The following NCALD variants were observed in gnomAD, a reference collection of about 807,000 sequenced individuals.
The protein encoded by NCALD is neurocalcin delta.
Under a neutral mutation model 18.6 loss-of-function variants are expected in NCALD, and 10 were observed. The ratio of observed to expected loss-of-function variants is 0.54; its 90% CI spans 0.33 to 0.91. The LOEUF (loss-of-function observed/expected upper bound fraction) is 0.91. NCALD is among the 40% of genes least tolerant of loss of function. NCALD has a pLI of 0.03. For missense variants in NCALD, 184 were observed against 247.6 expected, an observed-to-expected ratio of 0.74 and a Z score of 1.72; for synonymous variants, 88 against 87.4, an observed-to-expected ratio of 1.01 and a Z score of -0.04.
At chr8:102,060,717 T>C (rs1823819357) in intron 1 of NCALD, among the ~76,000 whole-genome samples, 1 of 151,994 alleles carries the variant, frequency 6.6e-6, no homozygotes, top group South Asian at 2.1e-4. Flanking sequence ...TCTGACAAGA[T>C]CGCATTACAA....
At chr8:102,007,871 T>C (rs1201699418) in intron 2 of NCALD, among the ~76,000 whole-genome samples, 1 of 152,146 alleles carries the variant, frequency 6.6e-6, no homozygotes, top group South Asian at 2.1e-4. Flanking sequence ...TCATGGTGGG[T>C]GTTCTGTTTC....
chr8:101,773,501 G>A (rs993609436), intron 1 of NCALD, among the ~76,000 whole-genome samples: 4 of 152,190 alleles, frequency 2.6e-5, no homozygotes, highest in Non-Finnish European at 5.9e-5. Context: ...GACCATGGGT[G>A]AAACTGTGGG....
At chr8:101,822,536 C>T (rs201485686) in intron 4 of NCALD, among the ~76,000 whole-genome samples, 16 of 152,220 alleles carry the variant, frequency 1.1e-4, no homozygotes, top group East Asian at 7.7e-4. Context: ...ATGGAAAGGG[C>T]GAAGAGGGAG....
At chr8:101,887,031 A>G (rs1447552822) in intron 4 of NCALD, 2 of 152,228 alleles carry the variant, frequency 1.3e-5, no homozygotes, top group Non-Finnish European at 2.9e-5. Context: ...TTTTCTACTT[A>G]GCAAATACAA....
intron 1 of NCALD, among the ~76,000 whole-genome samples, chr8:102,102,793 A>T (rs545347856): frequency 2.6e-5 from 4 of 151,858 alleles, no homozygotes; most frequent in Non-Finnish European, 5.9e-5. Flanking sequence ...AAGGGAGAGG[A>T]GAGAGAGAGG....
intron 1 of NCALD, chr8:101,785,955 C>G (rs1298668443): frequency 6.6e-6 from 1 of 152,210 alleles, no homozygotes; most frequent in Non-Finnish European, 1.5e-5. Context: ...TGGTGTAAAA[C>G]CTAATGGTTC....
intron 1 of NCALD, among the ~76,000 whole-genome samples, chr8:102,085,084 G>A (rs1257592754): frequency 2.0e-5 from 3 of 152,076 alleles, no homozygotes; most frequent in East Asian, 1.9e-4. Flanking sequence ...ACATGCACAC[G>A]CCTGGTTGGA....
chr8:101,923,807 T>A (rs528380182), intron 2 of NCALD, among the ~76,000 whole-genome samples: 9 of 152,386 alleles, frequency 5.9e-5, no homozygotes, highest in Non-Finnish European at 1.2e-4. Flanking sequence ...CATCCCATTT[T>A]TTCCTTTGTT....
intron 2 of NCALD, among the ~76,000 whole-genome samples, chr8:101,943,412 G>A (rs561395434): frequency 2.6e-5 from 4 of 152,216 alleles, no homozygotes; most frequent in South Asian, 2.1e-4. Flanking sequence ...ATTATTCCCC[G>A]TTCCTCTTAT....
At chr8:101,863,462 T>C (rs1398850898) in intron 4 of NCALD, among the ~76,000 whole-genome samples, 1 of 136,094 alleles carries the variant, frequency 7.3e-6, no homozygotes. Flanking sequence ...TGTTTCTCAC[T>C]TTTTTTTTTT....
chr8:101,905,167 A>G (rs1254450016), intron 3 of NCALD, among the ~76,000 whole-genome samples: 1 of 152,026 alleles, frequency 6.6e-6, no homozygotes. Context: ...GCTCCTCTCC[A>G]TTCTCTAACT....
At chr8:101,791,893 T>C (rs2131024664), upstream of NCALD, among the ~76,000 whole-genome samples, 2 of 152,280 alleles carry the variant, frequency 1.3e-5, no homozygotes, top group South Asian at 4.1e-4. Context: ...AAGGGTTATC[T>C]CACATGTTTT....
intron 2 of NCALD, among the ~76,000 whole-genome samples, chr8:101,710,816 G>A (rs1815751390): frequency 1.3e-5 from 2 of 152,334 alleles, no homozygotes; most frequent in Middle Eastern, 3.4e-3. Context: ...GCACCTGGGG[G>A]AAGGAGCAGC....
At chr8:101,715,471 G>A (rs1299750030) in intron 2 of NCALD, among the ~76,000 whole-genome samples, 1 of 148,414 alleles carries the variant, frequency 6.7e-6, no homozygotes, top group Non-Finnish European at 1.5e-5. Context: ...AAGCCAATGG[G>A]ACCTAATTAA....
chr8:101,837,555 G>A (rs1814464104), intron 4 of NCALD, among the ~76,000 whole-genome samples: 1 of 152,180 alleles, frequency 6.6e-6, no homozygotes, highest in Non-Finnish European at 1.5e-5. Flanking sequence ...CTTAGACACA[G>A]TCTTTCCCAC....
chr8:101,907,683 T>C (rs1452368050), intron 3 of NCALD, among the ~76,000 whole-genome samples: 1 of 152,134 alleles, frequency 6.6e-6, no homozygotes, highest in Non-Finnish European at 1.5e-5. Context: ...AATATATCAT[T>C]ATTTCCAACC....
chr8:101,965,430 AG>A (rs1166055975), intron 2 of NCALD, among the ~76,000 whole-genome samples: 2 of 152,230 alleles, frequency 1.3e-5, no homozygotes, highest in Non-Finnish European at 2.9e-5. Flanking sequence ...AATACTATGC[AG>A]CCATAAAAAA....
intron 1 of NCALD, among the ~76,000 whole-genome samples, chr8:102,090,403 A>G (rs933619276): frequency 1.3e-5 from 2 of 152,112 alleles, no homozygotes; most frequent in African/African-American, 4.8e-5. Flanking sequence ...CAGCTACAGG[A>G]CTTTGACAGA....
At chr8:101,993,579 G>T (rs1214322485) in intron 2 of NCALD, among the ~76,000 whole-genome samples, 1 of 152,174 alleles carries the variant, frequency 6.6e-6, no homozygotes, top group Non-Finnish European at 1.5e-5. Flanking sequence ...GCAGGGGCAG[G>T]TCTGGCACAG....
Sources: gnomAD v4.1 joint callset for allele counts (sites outside exome capture counted in the v4.1 genomes callset) on GRCh38, gnomAD v4.1.1 for gene constraint, MANE v1.5 for transcripts, NCBI Gene and HGNC (gene_info 2026-07-23, HGNC 2026-07-21) for gene names.